Variants in ASIC1 observed in about 807,000 individuals in gnomAD.
ASIC1 encodes acid sensing ion channel subunit 1.
In ASIC1, 21 loss-of-function variants were observed where a neutral mutation model predicts 63.4. The ratio of observed to expected loss-of-function variants is 0.33; its 90% CI spans 0.23 to 0.48. The LOEUF is 0.48. Among genes scored for constraint, ASIC1 ranks in the 20% least tolerant of loss-of-function variants. ASIC1 has a pLI of 0.99. For missense variants in ASIC1, 478 were observed against 695.5 expected (o/e 0.69, Z 3.52); for synonymous variants, 258 against 278.2 (o/e 0.93, Z 0.72).
At chr12:50,068,677 TCA>T (rs1950569255) in intron 3 of ASIC1, among the ~76,000 whole-genome samples, 1 of 151,478 alleles carries the variant, frequency 6.6e-6, no homozygotes, top group Non-Finnish European at 1.5e-5. Context: ...ACCAAAGTCA[TCA>T]TCTTACCTCC....
At chr12:50,067,362 A>T (rs1950554816) in intron 3 of ASIC1, among the ~76,000 whole-genome samples, 1 of 150,260 alleles carries the variant, frequency 6.7e-6, no homozygotes, top group Admixed American at 6.6e-5. Flanking sequence ...ATTATTCTTG[A>T]TCTCTCAATA....
rs376276861 is a variant in ASIC1, at chr12:50,074,860, C to CTGTGTGTGTGTGTGTG, written c.559-2321_559-2306dup. Among the ~76,000 whole-genome samples the CTGTGTGTGTGTGTGTG allele has an allele frequency of 1.5e-4, 21 of 141,516 alleles. No homozygotes were observed. Among genetic ancestry groups the CTGTGTGTGTGTGTGTG allele is most frequent in the African/African-American group, 4.8e-4 (18 of 37,618 alleles). The allele number at this position is 141,516 out of a possible 152,430, so 92.8% of individuals were successfully genotyped here. ...TATGGACGCCCCACCCCCACCAGCT[C>CTGTGTGTGTGTGTGTG]TGTGTGTGTGTGTGTGTGTGTGTGT... On this transcript the variant is annotated intron_variant, in intron 3 of 11. Transcript: ENST00000447966. The surrounding 1 kb of genome is among the most constrained non-coding windows in gnomAD (Gnocchi z 4.2).
chr12:50,064,268 A>G (rs1950525958), intron 3 of ASIC1, among the ~76,000 whole-genome samples: 1 of 152,126 alleles, frequency 6.6e-6, no homozygotes, highest in Admixed American at 6.5e-5. Flanking sequence ...TAAACTGAAC[A>G]CAGGTGGGTG....
At chr12:50,065,535 T>C (rs775452062) in intron 3 of ASIC1, among the ~76,000 whole-genome samples, 1 of 152,204 alleles carries the variant, frequency 6.6e-6, no homozygotes, top group Non-Finnish European at 1.5e-5. Context: ...AGCGCCAACC[T>C]ACCTGGACAC....
At chr12:50,077,044 G>A in intron 3 of ASIC1, 169 bp from the exon 4 acceptor site, 1 of 1,150,934 alleles carries the variant, frequency 8.7e-7, no homozygotes, top group Non-Finnish European at 1.3e-6. Context: ...CAGAGGGCAA[G>A]AAAGGGTGAG....
chr12:50,079,045 A>C (rs1023527903), intron 7 of ASIC1, 65 bp downstream of exon 7: 2 of 1,516,936 alleles, frequency 1.3e-6, no homozygotes, highest in African/African-American at 2.8e-5. Context: ...CGTGCGCAGG[A>C]GTTTCAGGTC....
At chr12:50,058,585 G>A (rs1565722954) in intron 1 of ASIC1, among the ~76,000 whole-genome samples, 166 bp from the exon 2 acceptor site, 3 of 152,216 alleles carry the variant, frequency 2.0e-5, no homozygotes, top group Admixed American at 1.3e-4. Context: ...AGGAACCCTG[G>A]ATGTGTCCCT....
intron 3 of ASIC1, among the ~76,000 whole-genome samples, chr12:50,069,434 C>T (rs189130927): frequency 6.6e-6 from 1 of 152,228 alleles, no homozygotes; most frequent in Admixed American, 6.5e-5. Context: ...GCTGAGATTA[C>T]AGTCATGTGT....
In ASIC1 at chr12:50,059,707, C is replaced by T. The variant is rs1565723729; in HGVS notation, c.363-52C>T. The T allele has an allele frequency of 2.6e-6, 4 of 1,567,726 alleles. No individual in the cohort carries two copies. On this transcript the variant is annotated intron_variant, in intron 2 of 11. Coordinates refer to ENST00000447966, the MANE Select transcript of ASIC1 (RefSeq NM_001095.4). The surrounding 1 kb of genome is among the most constrained non-coding windows in gnomAD (Gnocchi z 4.6). The stretch of plus-strand genomic sequence containing the variant: ...CTGCCCCCATCACCCAAGTTGGGTG[C>T]AGGACACTGATGACTGTACTGACCC...
intron 11 of ASIC1, 77 bp downstream of exon 11, chr12:50,081,441 C>A: frequency 1.4e-6 from 2 of 1,439,188 alleles, no homozygotes; most frequent in Non-Finnish European, 1.9e-6. Flanking sequence ...CCCCCGCCCA[C>A]CCGCCTCTGC....
rs747912492 is a variant in ASIC1, at chr12:50,081,651, C to T, written c.*2C>T. ...ACGTTCGAGGACTTTACCTGCTGAG[C>T]CCCGCAGGCCGCTGAACCAAAGGCC... On this transcript the variant is annotated 3_prime_UTR_variant, in exon 12 of 12. Coordinates refer to ENST00000447966, the MANE Select transcript of ASIC1 (RefSeq NM_001095.4). The T allele has an allele frequency of 1.9e-6, 3 of 1,613,330 alleles. No homozygotes were observed. In the African/African-American group the frequency reaches 4.0e-5, roughly 22 times the overall value.
chr12:50,062,343 G>A (rs1950508300), intron 3 of ASIC1, among the ~76,000 whole-genome samples: 1 of 152,220 alleles, frequency 6.6e-6, no homozygotes, highest in South Asian at 2.1e-4. Flanking sequence ...TGTGTTGGGA[G>A]TGTGTCTCTA....
Position 50,078,519 on chromosome 12 carries a change from C to T in ASIC1, c.936C>T (p.Ile312=), listed in dbSNP as rs376435482. The part of the protein sequence containing the change: ...FDSYSITACR[I]DCETRYLVEN... ...CCTACAGCATCACTGCCTGCCGCAT[C>T]GACTGTGAGACGCGCTACCTGGTGG... The change falls in exon 6 of 12, where the codon ATC becomes ATT. Residue 312 remains isoleucine, a synonymous_variant. Coordinates refer to ENST00000447966, the MANE Select transcript of ASIC1 (RefSeq NM_001095.4). This position sits in a 1 kb window ranked among gnomAD's most constrained non-coding sequence, Gnocchi z 6.0. 4.7e-5 allele frequency: 76 copies of T among 1,614,008 alleles called. No homozygotes were observed. The highest frequency in any genetic ancestry group is 1.8e-4 in the South Asian group (16 of 91,086).
chr12:50,081,203 C>T, intron 10 of ASIC1, 22 bp downstream of exon 10: 1 of 1,607,854 alleles, frequency 6.2e-7, no homozygotes, highest in Non-Finnish European at 8.5e-7. Context: ...CGAGGCCCGG[C>T]ACGGGGCCAC....
chr12:50,058,887 C>T lies in ASIC1; in HGVS notation c.121C>T (p.Leu41=). 1 of 1,614,150 alleles carries T rather than the reference C, an allele frequency of 6.2e-7. No individual in the cohort carries two copies. Among genetic ancestry groups the T allele is most frequent in the South Asian group, 1.1e-5 (1 of 91,092 alleles). ...AHIFSYERLS[L]KRALWALCFL... is the part of the protein sequence containing the mutation. ...CATCTTCTCCTACGAGCGGCTGTCT[C>T]TGAAGCGGGCACTGTGGGCCCTGTG... The change falls in exon 2 of 12, where the codon CTG becomes TTG. Residue 41 remains leucine, a synonymous_variant. Coordinates refer to ENST00000447966, the MANE Select transcript of ASIC1 (RefSeq NM_001095.4).
chr12:50,077,836 A>G lies in ASIC1; in HGVS notation c.710-164A>G, dbSNP rs904673419. Among the ~76,000 whole-genome samples, 3 of 152,038 alleles carry G rather than the reference A, an allele frequency of 2.0e-5. No homozygotes were observed. In the South Asian group the frequency reaches 6.2e-4, roughly 32 times the overall value. On this transcript the variant is annotated intron_variant, in intron 4 of 11. Coordinates refer to ENST00000447966, the MANE Select transcript of ASIC1 (RefSeq NM_001095.4). The stretch of plus-strand genomic sequence containing the variant: ...TCATCGGAGCAGCTCAGAGCTGGTA[A>G]ACCCAGAAGGAGGCTAGGGGGTGGG...
chr12:50,065,847 C>T (rs1293445395), intron 3 of ASIC1, among the ~76,000 whole-genome samples: 1 of 152,248 alleles, frequency 6.6e-6, no homozygotes, highest in Non-Finnish European at 1.5e-5. Flanking sequence ...GTCACACCAG[C>T]ATGCCAGGCT....
Position 50,079,973 on chromosome 12 carries a change from G to A in ASIC1, c.1123G>A (p.Glu375Lys). 5 of 1,614,116 alleles carry A rather than the reference G, an allele frequency of 3.1e-6. No homozygotes were observed. The highest frequency in any genetic ancestry group is 4.2e-6 in the Non-Finnish European group (5 of 1,180,000). The change falls in exon 8 of 12, where the codon GAG (glutamate) becomes AAG (lysine). Residue 375 changes from glutamate to lysine, a missense_variant. Coordinates refer to ENST00000447966, the MANE Select transcript of ASIC1 (RefSeq NM_001095.4). Reference protein sequence around the residue: ...MPCNLTRYGKELSMVKIPSKA... With the variant: ...MPCNLTRYGKKLSMVKIPSKA... ...TTGCAACCTGACCCGCTATGGCAAA[G>A]AGCTGTCCATGGTCAAGATCCCCAG... is the stretch of plus-strand genomic sequence containing the variant.
intron 7 of ASIC1, 57 bp from the exon 8 acceptor site, chr12:50,079,845 G>C: frequency 1.3e-6 from 2 of 1,543,004 alleles, no homozygotes; most frequent in Non-Finnish European, 1.7e-6. Flanking sequence ...GTGCATGTGG[G>C]AAGGTGCTGG....
Sources: allele counts gnomAD v4.1 joint callset (sites outside exome capture counted in the v4.1 genomes callset), GRCh38; gene constraint gnomAD v4.1.1; non-coding constraint Gnocchi (gnomAD v3.1); transcripts MANE v1.5; gene names NCBI Gene and HGNC (gene_info 2026-07-23, HGNC 2026-07-21).